CDH6: variants seen among roughly 807,000 people sequenced by gnomAD.
The protein encoded by CDH6 is cadherin 6, also known as cadherin-6.
In CDH6, 31 loss-of-function variants were observed where a neutral mutation model predicts 78.0. That is an observed-to-expected ratio of 0.40 (90% CI 0.30 to 0.54). The LOEUF (loss-of-function observed/expected upper bound fraction) is 0.54. Among genes scored for constraint, CDH6 ranks in the 20% least tolerant of loss-of-function variants. CDH6 has a pLI of 0.56. For missense variants in CDH6, 724 were observed against 975.9 expected, an observed-to-expected ratio of 0.74 and a Z score of 3.44; for synonymous variants, 376 against 368.8, an observed-to-expected ratio of 1.02 and a Z score of -0.23.
chr5:31,237,357 T>C (rs1430556358), intron 1 of CDH6, among the ~76,000 whole-genome samples: 1 of 152,108 alleles, frequency 6.6e-6, no homozygotes, highest in Non-Finnish European at 1.5e-5. Context: ...CCACATGCTA[T>C]CAGCACCCTA....
intron 1 of CDH6, chr5:31,249,828 A>G (rs1035481737): frequency 1.3e-5 from 2 of 152,308 alleles, no homozygotes; most frequent in Non-Finnish European, 2.9e-5. Flanking sequence ...TGTGGAATCC[A>G]GGTGACCCTT....
At position 31,260,586 on chromosome 5, in the gene CDH6, T is replaced by G. The variant is rs1038512344; in HGVS notation, c.-128-6760T>G. Among the ~76,000 whole-genome samples, 6 of 152,352 alleles carry G rather than the reference T, an allele frequency of 3.9e-5. No homozygotes were observed. The South Asian group carries it at 1.2e-3, about 32-fold the overall frequency. ...CTTTATTAATGCAATGTGTGGAATA[T>G]GATTTCAGAACAAGGGCAATCCTGT... is the stretch of plus-strand genomic sequence containing the variant. On this transcript the variant is annotated intron_variant, in intron 1 of 11. Transcript: ENST00000265071.
At chr5:31,264,070 T>A (rs1461703437) in intron 1 of CDH6, among the ~76,000 whole-genome samples, 1 of 152,254 alleles carries the variant, frequency 6.6e-6, no homozygotes, top group South Asian at 2.1e-4. Context: ...ACACAGTATC[T>A]CTGCCTTCCC....
At chr5:31,251,635 A>G (rs1741911411) in intron 1 of CDH6, 1 of 152,240 alleles carries the variant, frequency 6.6e-6, no homozygotes, top group Non-Finnish European at 1.5e-5. Flanking sequence ...CTGATTCCAC[A>G]AGTTTATATC....
rs1738557902 is a variant in CDH6, at chr5:31,324,175, C to A, written c.*867C>A. ...CTAATGTCAAAATTGTTTAAAAATT[C>A]TTGAAAGAATTTTCCTGAGACAAAT... On this transcript the variant is annotated 3_prime_UTR_variant, in exon 12 of 12. Transcript: ENST00000265071. 1 of 218,558 alleles carries A rather than the reference C, an allele frequency of 4.6e-6. No individual in the cohort carries two copies. 13.5% of individuals were successfully genotyped at this position (218,558 alleles called of 1,614,324 possible). A position where few individuals can be genotyped will look rare whatever the true frequency, so the allele number is the denominator to read the frequency against.
At chr5:31,283,594 C>T (rs1345997467) in intron 2 of CDH6, among the ~76,000 whole-genome samples, 1 of 152,084 alleles carries the variant, frequency 6.6e-6, no homozygotes, top group Non-Finnish European at 1.5e-5. Context: ...TTTTCCAAAT[C>T]CCAGCCAGAC....
At position 31,328,110 on chromosome 5, in the gene CDH6, C is replaced by G. The variant is rs1206351627; in HGVS notation, c.*4802C>G. On this transcript the variant is annotated 3_prime_UTR_variant, in exon 12 of 12. Transcript: ENST00000265071. ...CTGTATTTCAGACAGGACTGAGGCA[C>G]TTAGCCGAGGAGCCACTGGGTTATT... is the stretch of plus-strand genomic sequence containing the variant. 5.1e-6 allele frequency: 1 copy of G among 196,406 alleles called. No individual in the cohort carries two copies. Among genetic ancestry groups the G allele is most frequent in the Admixed American group, 6.1e-5 (1 of 16,366 alleles). 12.2% of individuals were successfully genotyped at this position (196,406 alleles called of 1,614,324 possible).
At chr5:31,258,938 T>C (rs1407265932) in intron 1 of CDH6, among the ~76,000 whole-genome samples, 1 of 152,196 alleles carries the variant, frequency 6.6e-6, no homozygotes, top group African/African-American at 2.4e-5. Context: ...ATGCATGAAT[T>C]GGGATCTGGC....
chr5:31,200,075 A>T (rs1238431656), intron 1 of CDH6, among the ~76,000 whole-genome samples: 1 of 152,070 alleles, frequency 6.6e-6, no homozygotes, highest in Non-Finnish European at 1.5e-5. Flanking sequence ...GATTATTTTG[A>T]CCAGAGCTTG....
At chr5:31,308,933 T>TA (rs1165968638) in intron 7 of CDH6, among the ~76,000 whole-genome samples, 1 of 152,122 alleles carries the variant, frequency 6.6e-6, no homozygotes, top group African/African-American at 2.4e-5. Context: ...TATATCTAGA[T>TA]AATTATTAAA....
At chr5:31,245,616 C>T (rs1410011499) in intron 1 of CDH6, among the ~76,000 whole-genome samples, 1 of 152,184 alleles carries the variant, frequency 6.6e-6, no homozygotes, top group Non-Finnish European at 1.5e-5. Context: ...TTGTTTAACT[C>T]ATCGGAATGG....
chr5:31,219,954 C>T (rs1740963939), intron 1 of CDH6, among the ~76,000 whole-genome samples: 1 of 152,160 alleles, frequency 6.6e-6, no homozygotes, highest in Non-Finnish European at 1.5e-5. Context: ...TCTTAATTTC[C>T]ACACATATTG....
chr5:31,245,410 T>C (rs914936950), intron 1 of CDH6, among the ~76,000 whole-genome samples: 8 of 152,082 alleles, frequency 5.3e-5, no homozygotes, highest in Non-Finnish European at 1.2e-4. Flanking sequence ...TTCTCTCTCT[T>C]TTCCTCTGTC....
At chr5:31,204,496 G>A (rs904618841) in intron 1 of CDH6, among the ~76,000 whole-genome samples, 1 of 152,184 alleles carries the variant, frequency 6.6e-6, no homozygotes. Flanking sequence ...AGATTTCTAT[G>A]TGGTGGGCAG....
At chr5:31,263,059 T>G (rs973505460) in intron 1 of CDH6, among the ~76,000 whole-genome samples, 1 of 152,178 alleles carries the variant, frequency 6.6e-6, no homozygotes, top group Non-Finnish European at 1.5e-5. Flanking sequence ...TTGTTTTAGT[T>G]CATTTTCTAT....
intron 2 of CDH6, among the ~76,000 whole-genome samples, chr5:31,279,973 A>C (rs1390267631): frequency 1.3e-5 from 2 of 152,204 alleles, no homozygotes; most frequent in Non-Finnish European, 2.9e-5. Context: ...AGAGTCTTCA[A>C]GTCAAATCGA....
rs1389745674 is a variant in CDH6 at position 31,267,374 on chromosome 5, T to C, written c.-100T>C. On this transcript the variant is annotated 5_prime_UTR_variant, in exon 2 of 12. Transcript: ENST00000265071. ...TCCTCTGAGAGCCAAGCAAAGAACA[T>C]TAAGGAAGGAAGGAGGAATGAGGCT... 2.5e-6 allele frequency: 2 copies of C among 811,004 alleles called. No individual in the cohort carries two copies. Among genetic ancestry groups the C allele is most frequent in the Non-Finnish European group, 2.1e-6 (1 of 483,772 alleles). 50.2% of individuals were successfully genotyped at this position (811,004 alleles called of 1,614,324 possible). A position where few individuals can be genotyped will look rare whatever the true frequency, so the allele number is the denominator to read the frequency against.
intron 6 of CDH6, among the ~76,000 whole-genome samples, chr5:31,302,771 AAGAAGAAAGAGAG>A (rs1737810378): frequency 7.9e-5 from 4 of 50,798 alleles, no homozygotes; most frequent in African/African-American, 2.0e-4. Context: ...GAAAGAAAGA[AAGAAGAAAGAGAG>A]AGAGAGAGAG....
In CDH6 at chr5:31,275,444, A is replaced by G. The variant is rs188138829; in HGVS notation, c.228+7743A>G. On this transcript the variant is annotated intron_variant, in intron 2 of 11. Coordinates refer to ENST00000265071, the MANE Select transcript of CDH6 (RefSeq NM_004932.4). ...TGTTTAGCTCCCGCTTATAAGTGAG[A>G]ACATGCCATATTTGGTTTTCTGTTC... 7.9e-5 allele frequency among the ~76,000 whole-genome samples: 12 copies of G among 152,314 alleles called. No homozygotes were observed. The East Asian group carries it at 2.3e-3, about 29-fold the overall frequency.
Sources: allele counts gnomAD v4.1 joint callset (sites outside exome capture counted in the v4.1 genomes callset), GRCh38; gene constraint gnomAD v4.1.1; transcripts MANE v1.5; gene names NCBI Gene and HGNC (gene_info 2026-07-23, HGNC 2026-07-21).